BCAT1: variants seen among roughly 807,000 people sequenced by gnomAD.
The protein encoded by BCAT1 is branched chain amino acid transaminase 1.
In BCAT1, 48 loss-of-function variants were observed where a neutral mutation model predicts 52.4. The ratio of observed to expected loss-of-function variants is 0.92; its 90% CI spans 0.73 to 1.16. The LOEUF is 1.16. Ranked by LOEUF, BCAT1 falls within the 50% of genes most tolerant of loss-of-function variation. The probability of loss-of-function intolerance (pLI) is 0.00; values close to 1 mark genes in which losing one functional copy is unlikely to be tolerated. For missense variants in BCAT1, 451 were observed against 457.1 expected, an observed-to-expected ratio of 0.99 and a Z score of 0.12; for synonymous variants, 167 against 161.3, an observed-to-expected ratio of 1.04 and a Z score of -0.27.
At chr12:24,885,577 ATG>A (rs1269714528) in intron 3 of BCAT1, among the ~76,000 whole-genome samples, 4 of 152,214 alleles carry the variant, frequency 2.6e-5, no homozygotes, top group Non-Finnish European at 5.9e-5. Context: ...TAAAAATTAT[ATG>A]GAAAGAAAAT....
rs1174831387 is a variant in BCAT1, at chr12:24,829,914, A to C, written c.1045-17T>G. ...GTGTATTGTCTACAAAAGAAAGGGA[A>C]ATGAGATAATTTGAGGGTACTCATG... is the stretch of plus-strand genomic sequence containing the variant. On this transcript the variant is annotated splice_polypyrimidine_tract_variant and intron_variant, in intron 9 of 10. Transcript: ENST00000261192. 1.9e-6 allele frequency: 3 copies of C among 1,581,390 alleles called. No individual in the cohort carries two copies. The African/African-American group carries it at 4.1e-5, about 21-fold the overall frequency.
chr12:24,925,515 GAGAAC>G (rs1464134082), intron 1 of BCAT1, among the ~76,000 whole-genome samples: 3 of 152,108 alleles, frequency 2.0e-5, no homozygotes, highest in East Asian at 3.8e-4. Flanking sequence ...TGTTTCCCTG[GAGAAC>G]CCTGCCTAAC....
chr12:24,894,546 G>GGA, intron 2 of BCAT1, 71 bp from the exon 3 acceptor site: 4 of 993,902 alleles, frequency 4.0e-6, no homozygotes, highest in Non-Finnish European at 4.2e-6. Flanking sequence ...ATACAGAGGG[G>GGA]AAAAAAAAAA....
intron 10 of BCAT1, among the ~76,000 whole-genome samples, chr12:24,825,098 G>A (rs552527225): frequency 6.7e-6 from 1 of 149,614 alleles, no homozygotes; most frequent in African/African-American, 2.5e-5. Flanking sequence ...TTTTATGGCT[G>A]AATAGTACCA....
rs376921755 is a variant in BCAT1 at position 24,814,258 on chromosome 12, C to G, written c.*3750G>C. On this transcript the variant is annotated 3_prime_UTR_variant, in exon 11 of 11. Transcript: ENST00000261192. ...TCAAGACATGAAATAAGGGATTTCT[C>G]TAACCCTTAACTCTTCTGCCGGCTT... is the stretch of plus-strand genomic sequence containing the variant. The G allele has an allele frequency of 3.9e-5, 6 of 152,178 alleles. No individual in the cohort carries two copies. Among genetic ancestry groups the G allele is most frequent in the South Asian group, 4.1e-4 (2 of 4,822 alleles). The allele number at this position is 152,178 out of a possible 1,614,324, so 9.4% of individuals were successfully genotyped here.
chr12:24,817,864 C>T lies in BCAT1; in HGVS notation c.*144G>A, dbSNP rs1444794324. ...ATTCATTTTCTCTGGCATGAAGAAA[C>T]AATCACTCTTGTAACACATTGATAC... On this transcript the variant is annotated 3_prime_UTR_variant, in exon 11 of 11. Transcript: ENST00000261192. The T allele has an allele frequency of 2.2e-5, 17 of 785,456 alleles. No homozygotes were observed. Among genetic ancestry groups the T allele is most frequent in the Non-Finnish European group, 2.0e-5 (10 of 490,570 alleles). The allele number at this position is 785,456 out of a possible 1,614,324, so 48.7% of individuals were successfully genotyped here. A position where few individuals can be genotyped will look rare whatever the true frequency, so the allele number is the denominator to read the frequency against.
chr12:24,820,223 ACTCTTCT>A (rs1485017359), intron 10 of BCAT1, among the ~76,000 whole-genome samples: 1 of 152,136 alleles, frequency 6.6e-6, no homozygotes, highest in Non-Finnish European at 1.5e-5. Context: ...ACTAAGCTTT[ACTCTTCT>A]CATTCTGTAA....
chr12:24,942,369 C>A (rs1364472224), intron 1 of BCAT1, among the ~76,000 whole-genome samples: 2 of 151,962 alleles, frequency 1.3e-5, no homozygotes, highest in African/African-American at 4.8e-5. Context: ...GGAGAAACCC[C>A]GTCTCTACTA....
intron 5 of BCAT1, among the ~76,000 whole-genome samples, chr12:24,857,441 G>A (rs1941722362): frequency 6.6e-6 from 1 of 152,062 alleles, no homozygotes; most frequent in Admixed American, 6.5e-5. Flanking sequence ...TAAGAGATTT[G>A]GTTAAAAGTC....
chr12:24,836,141 G>T (rs1940914273), intron 8 of BCAT1, among the ~76,000 whole-genome samples: 1 of 152,164 alleles, frequency 6.6e-6, no homozygotes, highest in Admixed American at 6.5e-5. Flanking sequence ...AGGAAAGGAA[G>T]AAGTATCATT....
At chr12:24,902,880 G>A (rs1165944744) in intron 1 of BCAT1, 4 of 1,510,836 alleles carry the variant, frequency 2.6e-6, no homozygotes, top group Non-Finnish European at 3.5e-6. Flanking sequence ...GCCCGGCCAG[G>A]CCCGCGAGCT....
At chr12:24,887,532 A>C (rs1223591149) in intron 3 of BCAT1, among the ~76,000 whole-genome samples, 6 of 152,250 alleles carry the variant, frequency 3.9e-5, no homozygotes, top group Admixed American at 3.9e-4. Context: ...AAAGCAAAGA[A>C]AGGTTATCAC....
intron 7 of BCAT1, among the ~76,000 whole-genome samples, chr12:24,839,579 G>A (rs1021658655): frequency 6.6e-6 from 1 of 152,178 alleles, no homozygotes; most frequent in Admixed American, 6.5e-5. Context: ...TGCTGTTACT[G>A]AAATCAAAAC....
At chr12:24,940,157 A>G (rs1270126583) in intron 1 of BCAT1, among the ~76,000 whole-genome samples, 1 of 152,244 alleles carries the variant, frequency 6.6e-6, no homozygotes, top group Non-Finnish European at 1.5e-5. Flanking sequence ...ACAATGCTGC[A>G]ATAAATAATC....
chr12:24,866,181 G>A (rs1365336494), intron 5 of BCAT1, among the ~76,000 whole-genome samples: 1 of 152,148 alleles, frequency 6.6e-6, no homozygotes, highest in Non-Finnish European at 1.5e-5. Context: ...CGACCGGCTG[G>A]CCCTGCCAGC....
chr12:24,903,035 G>C (rs1943158459), intron 1 of BCAT1: 8 of 1,401,736 alleles, frequency 5.7e-6, no homozygotes, highest in African/African-American at 1.5e-5. Context: ...CAGTGGCACG[G>C]AGCGCGCGGC....
At chr12:24,833,119 G>T (rs956271307) in intron 8 of BCAT1, among the ~76,000 whole-genome samples, 1 of 152,092 alleles carries the variant, frequency 6.6e-6, no homozygotes, top group Non-Finnish European at 1.5e-5. Flanking sequence ...AAGACACATG[G>T]TATACTTTAA....
At chr12:24,851,708 A>G (rs950626272) in intron 5 of BCAT1, among the ~76,000 whole-genome samples, 1 of 152,214 alleles carries the variant, frequency 6.6e-6, no homozygotes, top group African/African-American at 2.4e-5. Flanking sequence ...GGACCATCCT[A>G]CCAGTAAAGG....
In BCAT1 at chr12:24,812,483, G is replaced by A. The variant is rs1484476966; in HGVS notation, c.*5525C>T. On this transcript the variant is annotated 3_prime_UTR_variant, in exon 11 of 11. Coordinates refer to ENST00000261192, the MANE Select transcript of BCAT1 (RefSeq NM_005504.7). ...TCCAAGTTGATAATAATCTAAAGTG[G>A]TTTCTATGTAACACAACCTTCAGAT... The A allele has an allele frequency of 6.6e-6, 1 of 151,946 alleles. No individual in the cohort carries two copies. Among genetic ancestry groups the A allele is most frequent in the Non-Finnish European group, 1.5e-5 (1 of 67,876 alleles). 9.4% of individuals were successfully genotyped at this position (151,946 alleles called of 1,614,324 possible). A position where few individuals can be genotyped will look rare whatever the true frequency, so the allele number is the denominator to read the frequency against.
Sources: allele counts gnomAD v4.1 joint callset (sites outside exome capture counted in the v4.1 genomes callset), GRCh38; gene constraint gnomAD v4.1.1; transcripts MANE v1.5; gene names NCBI Gene and HGNC (gene_info 2026-07-23, HGNC 2026-07-21).